The following ZYG11A variants were observed in gnomAD, a reference collection of about 807,000 sequenced individuals.
The protein encoded by ZYG11A is zyg-11 family member A, cell cycle regulator, also known as protein zyg-11 homolog A.
ZYG11A carries 62 observed loss-of-function variants against 77.2 expected under a neutral mutation model. That is an observed-to-expected ratio of 0.80 (90% CI 0.65 to 0.99). The LOEUF is 0.99. Among genes scored for constraint, ZYG11A ranks in the 50% least tolerant of loss-of-function variants. The pLI, the probability that ZYG11A is intolerant of heterozygous loss-of-function variation, is 0.00. For synonymous variants in ZYG11A, 315 were observed against 324.6 expected (o/e 0.97, Z 0.32); for missense variants, 828 against 896.8 (o/e 0.92, Z 0.98).
intron 8 of ZYG11A, among the ~76,000 whole-genome samples, chr1:52,877,015 T>C (rs76970134): frequency 0.016 from 2,511 of 152,286 alleles, 23 homozygotes; most frequent in Non-Finnish European, 0.026. Flanking sequence ...TGTGAGGTCA[T>C]GTGATGGAAT....
At chr1:52,891,697 T>C (rs1276229346) in intron 13 of ZYG11A, among the ~76,000 whole-genome samples, 1 of 151,820 alleles carries the variant, frequency 6.6e-6, no homozygotes, top group Non-Finnish European at 1.5e-5. Flanking sequence ...TCTACTTTTA[T>C]GTAGGAATAT....
chr1:52,844,877 T>G (rs1183380846), intron 1 of ZYG11A, among the ~76,000 whole-genome samples: 1 of 152,144 alleles, frequency 6.6e-6, no homozygotes, highest in Admixed American at 6.5e-5. Context: ...TCACTTAGTT[T>G]TCTTTATTTT....
chr1:52,888,042 A>G (rs530069121), intron 13 of ZYG11A, among the ~76,000 whole-genome samples: 56 of 152,330 alleles, frequency 3.7e-4, no homozygotes, highest in African/African-American at 1.3e-3. Flanking sequence ...TAGTTTTATA[A>G]TGCCAGCAAA....
In ZYG11A at chr1:52,846,308, TTTTATATATATATA is replaced by T. The variant is rs1327031156; in HGVS notation, c.90+3337_90+3350del. On this transcript the variant is annotated intron_variant, in intron 1 of 13. Coordinates refer to ENST00000371528, the MANE Select transcript of ZYG11A (RefSeq NM_001004339.3). ...TTTTGGAAATCATGGCTTTTTAAATTTTTATATATATATATATATATATATATATATATATATAT... is the reference window on the plus strand; with the variant it reads ...TTTTGGAAATCATGGCTTTTTAAATTTATATATATATATATATATATATAT... 3.1e-3 allele frequency among the ~76,000 whole-genome samples: 392 copies of T among 124,880 alleles called. 13 individuals are homozygous for T. The highest frequency in any genetic ancestry group is 0.01 in the African/African-American group (373 of 35,572). The allele number at this position is 124,880 out of a possible 152,430, so 81.9% of individuals were successfully genotyped here. A position where few individuals can be genotyped will look rare whatever the true frequency, so the allele number is the denominator to read the frequency against.
At chr1:52,880,222 A>G (rs991314216) in intron 10 of ZYG11A, among the ~76,000 whole-genome samples, 2 of 151,950 alleles carry the variant, frequency 1.3e-5, no homozygotes, top group Non-Finnish European at 2.9e-5. Context: ...CGTAGATGAG[A>G]GATATAGCTG....
At chr1:52,874,346 G>A (rs1480487924) in intron 8 of ZYG11A, among the ~76,000 whole-genome samples, 1 of 152,214 alleles carries the variant, frequency 6.6e-6, no homozygotes, top group Admixed American at 6.5e-5. Context: ...CTGGGCTCAA[G>A]TGATCTTCCT....
intron 1 of ZYG11A, among the ~76,000 whole-genome samples, chr1:52,853,363 C>T (rs1300191386): frequency 2.0e-5 from 3 of 152,130 alleles, no homozygotes; most frequent in Non-Finnish European, 4.4e-5. Context: ...TTCATAGGAC[C>T]TTGACTGTAT....
chr1:52,877,892 A>G, intron 9 of ZYG11A, 33 bp from the exon 10 acceptor site: 1 of 1,551,342 alleles, frequency 6.4e-7, no homozygotes, highest in South Asian at 1.2e-5. Flanking sequence ...TCTTCATGAT[A>G]AAGTAACCTG....
In ZYG11A at chr1:52,866,532, C is replaced by A; in HGVS notation, c.1356C>A (p.Thr452=). The change falls in exon 6 of 14, where the codon ACC becomes ACA. Residue 452 remains threonine (T), a synonymous_variant. Transcript: ENST00000371528. ...QLQKNCLLSL[T]NSRILVDVPF... is the part of the protein sequence containing the mutation. ...AGAAGAATTGTCTTCTCTCCTTAAC[C>A]AATTCCAGGATTCTTGTGGATGTTC... 6.5e-7 allele frequency: 1 copy of A among 1,541,294 alleles called. No homozygotes were observed. The highest frequency in any genetic ancestry group is 8.8e-7 in the Non-Finnish European group (1 of 1,138,140).
At chr1:52,864,769 C>T (rs1171842393) in intron 5 of ZYG11A, among the ~76,000 whole-genome samples, 4 of 151,344 alleles carry the variant, frequency 2.6e-5, no homozygotes, top group East Asian at 1.9e-4. Flanking sequence ...CTCAGCCTCC[C>T]GAGTATCTTA....
chr1:52,891,326 G>A (rs988615485), intron 13 of ZYG11A, among the ~76,000 whole-genome samples: 2 of 149,742 alleles, frequency 1.3e-5, no homozygotes, highest in Non-Finnish European at 3.0e-5. Flanking sequence ...TAATTATTTT[G>A]TGGTCTTTAT....
At chr1:52,872,452 A>G (rs1447908919) in intron 8 of ZYG11A, among the ~76,000 whole-genome samples, 3 of 152,146 alleles carry the variant, frequency 2.0e-5, no homozygotes, top group Non-Finnish European at 4.4e-5. Flanking sequence ...CCAGCCACCC[A>G]AGAGTTCTGA....
chr1:52,887,061 T>C lies in ZYG11A; in HGVS notation c.2104+8T>C, dbSNP rs1403821074. On this transcript the variant is annotated splice_region_variant and intron_variant, in intron 13 of 13. Transcript: ENST00000371528. ...ATGTCTGCAGTAAAAATCGTATGTA[T>C]TCAACATATATTCAAAACATAATAG... The C allele has an allele frequency of 1.4e-6, 2 of 1,408,726 alleles. No homozygotes were observed. Among genetic ancestry groups the C allele is most frequent in the East Asian group, 2.5e-5 (1 of 40,114 alleles). The allele number at this position is 1,408,726 out of a possible 1,614,324, so 87.3% of individuals were successfully genotyped here.
intron 8 of ZYG11A, among the ~76,000 whole-genome samples, chr1:52,874,220 G>A (rs1646221502): frequency 7.5e-6 from 1 of 133,750 alleles, no homozygotes; most frequent in Non-Finnish European, 1.6e-5. Context: ...GTGGTTTAGC[G>A]TTTTTTAGCT....
At chr1:52,864,336 C>T (rs1645983503) in intron 5 of ZYG11A, among the ~76,000 whole-genome samples, 179 bp downstream of exon 5, 1 of 152,144 alleles carries the variant, frequency 6.6e-6, no homozygotes, top group South Asian at 2.1e-4. Flanking sequence ...ACCTCTGCCT[C>T]CCGGGTTCAA....
rs977854320 is a variant in ZYG11A, at chr1:52,867,475, T to C, written c.1392-64T>C. 9 of 1,082,628 alleles carry C rather than the reference T, an allele frequency of 8.3e-6. No individual in the cohort carries two copies. In the Middle Eastern group the frequency reaches 8.0e-4, roughly 96 times the overall value. 67.1% of individuals were successfully genotyped at this position (1,082,628 alleles called of 1,614,324 possible). A position where few individuals can be genotyped will look rare whatever the true frequency, so the allele number is the denominator to read the frequency against. On this transcript the variant is annotated intron_variant, in intron 6 of 13. Transcript: ENST00000371528. ...GGATTACTTGGGGAATGCCAAATGA[T>C]TTCTTCTGTGTAGTTTCACAAACTT...
Position 52,874,864 on chromosome 1 carries a change from C to CA in ZYG11A, c.1543-2809dup, listed in dbSNP as rs903742728. Among the ~76,000 whole-genome samples, 9 of 150,308 alleles carry CA rather than the reference C, an allele frequency of 6.0e-5. No individual in the cohort carries two copies. The East Asian group carries it at 7.8e-4, about 13-fold the overall frequency. ...CCTTGGCAACACAGTGAGACTGTCTCAAAAAAAAAGGTATCCACATTGCTT... is the reference window on the plus strand; with the variant it reads ...CCTTGGCAACACAGTGAGACTGTCTCAAAAAAAAAAGGTATCCACATTGCTT... On this transcript the variant is annotated intron_variant, in intron 8 of 13. Transcript: ENST00000371528.
Position 52,842,826 on chromosome 1 carries a change from G to A in ZYG11A, c.-58G>A. On this transcript the variant is annotated 5_prime_UTR_variant, in exon 1 of 14. Transcript: ENST00000371528. ...GCAGCCGCCCGCTTGGTTCTCGCGG[G>A]ATCCGGGCTCCGGCTCGACGCCGGC... 1 of 1,491,336 alleles carries A rather than the reference G, an allele frequency of 6.7e-7. No homozygotes were observed. The highest frequency in any genetic ancestry group is 9.0e-7 in the Non-Finnish European group (1 of 1,108,312). 92.4% of individuals were successfully genotyped at this position (1,491,336 alleles called of 1,614,324 possible).
At chr1:52,865,114 G>A (rs1646001299) in intron 5 of ZYG11A, among the ~76,000 whole-genome samples, 1 of 151,870 alleles carries the variant, frequency 6.6e-6, no homozygotes, top group Non-Finnish European at 1.5e-5. Context: ...GGTTGATTTT[G>A]TATTTTTAGT....
Sources: allele counts gnomAD v4.1 joint callset (sites outside exome capture counted in the v4.1 genomes callset), GRCh38; gene constraint gnomAD v4.1.1; transcripts MANE v1.5; gene names NCBI Gene and HGNC (gene_info 2026-07-23, HGNC 2026-07-21).